The following CFAP126 variants were observed in gnomAD, a reference collection of about 807,000 sequenced individuals.
The protein encoded by CFAP126 is protein Flattop.
In CFAP126, 21 loss-of-function variants were observed where a neutral mutation model predicts 17.1. The observed-to-expected ratio is 1.23, with a 90% confidence interval of 0.87 to 1.77. CFAP126 has a LOEUF of 1.77. Among genes scored for constraint, CFAP126 ranks in the 40% most tolerant of loss-of-function variants. The pLI is 0.00. For missense variants in CFAP126, 174 were observed against 215.4 expected (o/e 0.81, Z 1.20); for synonymous variants, 65 against 73.5 (o/e 0.88, Z 0.59).
Position 161,367,774 on chromosome 1 carries a change from G to C in CFAP126, c.27+68C>G, listed in dbSNP as rs1401883375. On this transcript the variant is annotated intron_variant, in intron 1 of 4. Transcript: ENST00000367974. ...TTCAAAGATCAGAATCCTATGAGAGGGGACAGTCCAAAGATAGAATCTGAA... is the reference window on the plus strand; with the variant it reads ...TTCAAAGATCAGAATCCTATGAGAGCGGACAGTCCAAAGATAGAATCTGAA... The C allele has an allele frequency of 2.9e-6, 4 of 1,364,524 alleles. No homozygotes were observed. The Admixed American group carries it at 5.0e-5, about 17-fold the overall frequency. 84.5% of individuals were successfully genotyped at this position (1,364,524 alleles called of 1,614,324 possible).
chr1:161,364,915 G>A lies in CFAP126; in HGVS notation c.*50C>T, dbSNP rs1206336770. Reference sequence around the variant, plus strand: ...GGTTTGTATTTCTGGACCTCAGCTAGATTAGGCCCTGCCCAGAGTTCTAGC... The same window carrying A: ...GGTTTGTATTTCTGGACCTCAGCTAAATTAGGCCCTGCCCAGAGTTCTAGC... On this transcript the variant is annotated 3_prime_UTR_variant, in exon 5 of 5. Coordinates refer to ENST00000367974, the MANE Select transcript of CFAP126 (RefSeq NM_001013625.4). 1.3e-6 allele frequency: 2 copies of A among 1,559,972 alleles called. No homozygotes were observed. The highest frequency in any genetic ancestry group is 4.5e-5 in the East Asian group (2 of 44,578).
intron 4 of CFAP126, 30 bp downstream of exon 4, chr1:161,365,496 G>T: frequency 1.2e-6 from 2 of 1,609,582 alleles, no homozygotes; most frequent in South Asian, 1.1e-5. Context: ...GAGACTACAG[G>T]GTTTTGGGTT....
chr1:161,365,684 A>G lies in CFAP126; in HGVS notation c.190T>C (p.Phe64Leu), dbSNP rs774957516. 5.0e-6 allele frequency: 8 copies of G among 1,588,912 alleles called. No homozygotes were observed. The highest frequency in any genetic ancestry group is 1.4e-5 in the African/African-American group (1 of 73,640). The change falls in exon 4 of 5, where the codon TTC becomes CTC. Residue 64 changes from phenylalanine to leucine, a missense_variant. Transcript: ENST00000367974. Reference sequence around the variant, plus strand: ...AGAGGCATTTGCCAGGTGCCCATGAAGGAACCCCAAGGATTTGCCTAAAAA... The same window carrying G: ...AGAGGCATTTGCCAGGTGCCCATGAGGGAACCCCAAGGATTTGCCTAAAAA... ...PRSKANPWGS[F>L]MGTWQMPLKI...
At chr1:161,366,039 T>A in intron 3 of CFAP126, 159 bp downstream of exon 3, 2 of 689,326 alleles carry the variant, frequency 2.9e-6, no homozygotes, top group East Asian at 5.4e-5. Flanking sequence ...AACTCTATCC[T>A]GCTGGGTAAG....
intron 1 of CFAP126, 152 bp downstream of exon 1, chr1:161,367,689 CT>C (rs1672782157): frequency 1.4e-6 from 1 of 719,250 alleles, no homozygotes; most frequent in African/African-American, 1.8e-5. Flanking sequence ...TGGATCGCCC[CT>C]GGGCTCTCTC....
At chr1:161,365,926 G>T in intron 3 of CFAP126, 2 of 608,980 alleles carry the variant, frequency 3.3e-6, no homozygotes, top group Non-Finnish European at 5.7e-6. Context: ...TCCTTAGGCC[G>T]AGTGTGGCAA....
chr1:161,366,551 C>T, intron 1 of CFAP126, 50 bp from the exon 2 acceptor site: 1 of 1,538,508 alleles, frequency 6.5e-7, no homozygotes, highest in South Asian at 1.1e-5. Flanking sequence ...GCCCCAAACC[C>T]AGGAAATGAA....
At chr1:161,365,357 T>C in intron 4 of CFAP126, 169 bp downstream of exon 4, 2 of 940,484 alleles carry the variant, frequency 2.1e-6, no homozygotes, top group Non-Finnish European at 3.3e-6. Context: ...TATGATGTCC[T>C]TAGCCCATCC....
chr1:161,365,043 G>A lies in CFAP126; in HGVS notation c.456C>T (p.Leu152=). ...AGCTTTGGAGTTCATCTGGGGAATT[G>A]AGGTTGGCAGCTGGGGAGCTTGGAA... The part of the protein sequence containing the change: ...TIIPSSPAAN[L]NSPDELQSSH... Residue 152 remains leucine (L), a synonymous_variant, in exon 5 of 5, where the codon CTC becomes CTT. Coordinates refer to ENST00000367974, the MANE Select transcript of CFAP126 (RefSeq NM_001013625.4). 1 of 1,614,178 alleles carries A rather than the reference G, an allele frequency of 6.2e-7. No individual in the cohort carries two copies.
In CFAP126 at chr1:161,365,410, C is replaced by T. The variant is rs1571903546; in HGVS notation, c.348+116G>A. On this transcript the variant is annotated intron_variant, in intron 4 of 4. Coordinates refer to ENST00000367974, the MANE Select transcript of CFAP126 (RefSeq NM_001013625.4). ...TGATTAAGGACTAGTCAAGATAAGA[C>T]AAATTGGTTAGAGGTCCCCCATGCT... The T allele has an allele frequency of 5.5e-6, 7 of 1,276,698 alleles. No homozygotes were observed. The East Asian group carries it at 1.6e-4, about 30-fold the overall frequency. The allele number at this position is 1,276,698 out of a possible 1,614,324, so 79.1% of individuals were successfully genotyped here. A position where few individuals can be genotyped will look rare whatever the true frequency, so the allele number is the denominator to read the frequency against.
In CFAP126 at chr1:161,365,199, G is replaced by A. The variant is rs201952864; in HGVS notation, c.349-49C>T. ...GATAGTCATGTCTCTGGTCAGGCCC[G>A]GATCATTCCTAATGCACCTCAGGAT... is the stretch of plus-strand genomic sequence containing the variant. On this transcript the variant is annotated intron_variant, in intron 4 of 4. Coordinates refer to ENST00000367974, the MANE Select transcript of CFAP126 (RefSeq NM_001013625.4). The A allele has an allele frequency of 2.4e-5, 37 of 1,562,472 alleles. No homozygotes were observed. In the East Asian group the frequency reaches 3.1e-4, roughly 13 times the overall value.
chr1:161,365,755 T>G, intron 3 of CFAP126, 53 bp from the exon 4 acceptor site: 1 of 1,433,786 alleles, frequency 7.0e-7, no homozygotes, highest in Non-Finnish European at 9.5e-7. Context: ...AGTAACTGAC[T>G]TAGACCTCTG....
Position 161,364,881 on chromosome 1 carries a change from G to T in CFAP126, c.*84C>A. ...CAGTGTGTGGCCACTTGGTCCATAT[G>T]AAGTTCCAGGTTTGTATTTCTGGAC... is the stretch of plus-strand genomic sequence containing the variant. On this transcript the variant is annotated 3_prime_UTR_variant, in exon 5 of 5. Transcript: ENST00000367974. 2 of 1,324,722 alleles carry T rather than the reference G, an allele frequency of 1.5e-6. No individual in the cohort carries two copies. Among genetic ancestry groups the T allele is most frequent in the Non-Finnish European group, 2.1e-6 (2 of 942,642 alleles). 82.1% of individuals were successfully genotyped at this position (1,324,722 alleles called of 1,614,324 possible). A position where few individuals can be genotyped will look rare whatever the true frequency, so the allele number is the denominator to read the frequency against.
rs916729926 is a variant in CFAP126, at chr1:161,366,603, C to T, written c.28-102G>A. The T allele has an allele frequency of 5.7e-6, 6 of 1,046,050 alleles. No homozygotes were observed. In the African/African-American group the frequency reaches 6.3e-5, roughly 11 times the overall value. The allele number at this position is 1,046,050 out of a possible 1,614,324, so 64.8% of individuals were successfully genotyped here. ...TTAGATTTGAAGACCAAAGGCCTGA[C>T]CAACCATGTAGGCTTTAAGTCACTA... is the stretch of plus-strand genomic sequence containing the variant. On this transcript the variant is annotated intron_variant, in intron 1 of 4. Transcript: ENST00000367974.
At chr1:161,367,714 G>T in intron 1 of CFAP126, 128 bp downstream of exon 1, 2 of 906,750 alleles carry the variant, frequency 2.2e-6, no homozygotes, top group Non-Finnish European at 3.6e-6. Context: ...CCCTGAGGAG[G>T]TAAAATATTA....
chr1:161,366,499 A>C lies in CFAP126; in HGVS notation c.30T>G (p.Tyr10Ter), dbSNP rs78888650. Residue 10 changes from tyrosine to a stop codon, truncating the protein, a stop_gained and splice_region_variant, in exon 2 of 5, where the codon TAT becomes TAG. Transcript: ENST00000367974. LOFTEE classifies it high-confidence loss of function. MATNYSANQ[Y>*]EKAFSSKYLQ... ...GATACTTGGATGAGAAAGCCTTTTC[A>C]TACTGTGGAGAGAAAGATAAGTAGC... The C allele has an allele frequency of 1.2e-6, 2 of 1,613,998 alleles. No homozygotes were observed. The highest frequency in any genetic ancestry group is 2.2e-5 in the South Asian group (2 of 91,072).
At chr1:161,366,371 A>G in intron 2 of CFAP126, 68 bp downstream of exon 2, 1 of 1,570,780 alleles carries the variant, frequency 6.4e-7, no homozygotes, top group Non-Finnish European at 8.8e-7. Context: ...AGTTTAGAGA[A>G]TGCTAAAAGG....
intron 4 of CFAP126, 57 bp downstream of exon 4, chr1:161,365,469 G>A: frequency 6.3e-7 from 1 of 1,578,642 alleles, no homozygotes; most frequent in Non-Finnish European, 8.7e-7. Flanking sequence ...GACATTTTTT[G>A]AGGTTGAAAA....
chr1:161,365,281 G>T, intron 4 of CFAP126, 131 bp from the exon 5 acceptor site: 2 of 1,068,770 alleles, frequency 1.9e-6, no homozygotes, highest in South Asian at 1.6e-5. Context: ...AATAAGAAAA[G>T]TTAAATTTGA....
Sources: allele counts gnomAD v4.1 joint callset, GRCh38; gene constraint gnomAD v4.1.1; transcripts MANE v1.5; gene names NCBI Gene and HGNC (gene_info 2026-07-23, HGNC 2026-07-21).